Variants in SRL observed in about 807,000 individuals in gnomAD.
SRL encodes the protein sarcalumenin.
Under a neutral mutation model 39.5 loss-of-function variants are expected in SRL, and 23 were observed. The ratio of observed to expected loss-of-function variants is 0.58; its 90% CI spans 0.42 to 0.82. SRL has a LOEUF of 0.82. Among genes scored for constraint, SRL ranks in the 40% least tolerant of loss-of-function variants. The pLI is 0.00. For missense variants in SRL, 592 were observed against 607.8 expected, an observed-to-expected ratio of 0.97 and a Z score of 0.27; for synonymous variants, 272 against 237.4, an observed-to-expected ratio of 1.15 and a Z score of -1.34.
chr16:4,207,429 G>A (rs760835257), intron 1 of SRL: 14 of 456,708 alleles, frequency 3.1e-5, no homozygotes, highest in South Asian at 9.3e-5. Flanking sequence ...CCCAACAGCC[G>A]CGACGTCAGG....
chr16:4,239,196 A>G (rs1438206185), intron 1 of SRL, among the ~76,000 whole-genome samples: 1 of 152,068 alleles, frequency 6.6e-6, no homozygotes, highest in Admixed American at 6.6e-5. Context: ...CAGGGGTGGG[A>G]GAGAAAGGGG....
At chr16:4,220,278 A>AACACACACACACACAC (rs71394664) in intron 1 of SRL, among the ~76,000 whole-genome samples, 25,288 of 140,298 alleles carry the variant, frequency 0.18, 2,573 homozygotes, top group Admixed American at 0.24. Flanking sequence ...TCTCTACTAA[A>AACACACACACACACAC]ACACACACAC....
chr16:4,213,398 CTTTTTCTTTTT>C (rs2052416802), intron 1 of SRL, among the ~76,000 whole-genome samples: 3 of 96,282 alleles, frequency 3.1e-5, no homozygotes, highest in Non-Finnish European at 6.2e-5. Context: ...TTTTCTTTTT[CTTTTTCTTTTT>C]TTTTTTTTTT....
rs766920871 is a variant in SRL at position 4,209,786 on chromosome 16, C to T, written c.62-5152G>A. On this transcript the variant is annotated intron_variant, in intron 1 of 5. Transcript: ENST00000399609. ...ATGCATGGCCATTTAACCTTCTTTACGACTGTCAGAGAGATTTCAGAGCTG... is the reference window on the plus strand; with the variant it reads ...ATGCATGGCCATTTAACCTTCTTTATGACTGTCAGAGAGATTTCAGAGCTG... Among the ~76,000 whole-genome samples the T allele has an allele frequency of 3.3e-5, 5 of 152,174 alleles. No individual in the cohort carries two copies. In the South Asian group the frequency reaches 8.3e-4, roughly 25 times the overall value.
intron 1 of SRL, among the ~76,000 whole-genome samples, chr16:4,220,978 C>T (rs1046068568): frequency 1.1e-4 from 17 of 151,574 alleles, no homozygotes; most frequent in Non-Finnish European, 2.4e-4. Flanking sequence ...GAGCGAGATC[C>T]TGTCTCAAAA....
chr16:4,236,610 G>GC (rs1397651188), intron 1 of SRL, among the ~76,000 whole-genome samples: 3 of 151,452 alleles, frequency 2.0e-5, no homozygotes, highest in African/African-American at 7.3e-5. Flanking sequence ...CCTTCCAGAT[G>GC]CCCCACGAGT....
At chr16:4,194,063 C>T (rs1302930180) in intron 5 of SRL, among the ~76,000 whole-genome samples, 1 of 152,052 alleles carries the variant, frequency 6.6e-6, no homozygotes, top group Non-Finnish European at 1.5e-5. Flanking sequence ...AACTGAGATC[C>T]ACCGTCTGCT....
intron 1 of SRL, among the ~76,000 whole-genome samples, chr16:4,223,495 A>T (rs537968548): frequency 4.0e-5 from 6 of 151,456 alleles, no homozygotes; most frequent in African/African-American, 1.5e-4. Context: ...CTCCCACCTC[A>T]GCCTCCCGAG....
chr16:4,192,476 C>G lies in SRL; in HGVS notation c.1099G>C (p.Val367Leu). 2 of 1,614,166 alleles carry G rather than the reference C, an allele frequency of 1.2e-6. No homozygotes were observed. The highest frequency in any genetic ancestry group is 1.7e-6 in the Non-Finnish European group (2 of 1,180,042). The change falls in exon 6 of 6, where the codon GTC (valine) becomes CTC (leucine). Residue 367 changes from valine to leucine, a missense_variant. By Grantham distance (32) the Val-to-Leu change is conservative. Coordinates refer to ENST00000399609, the MANE Select transcript of SRL (RefSeq NM_001098814.2). This position sits in a 1 kb window ranked among gnomAD's most constrained non-coding sequence, Gnocchi z 4.0. ...KMTFFSDGEL[V>L]FKDIVEDPDK... ...GGATCTTCCACAATGTCCTTAAAGA[C>G]CAGTTCTCCATCACTGAAGAAGGTC...
At chr16:4,229,126 A>C (rs936470628) in intron 1 of SRL, among the ~76,000 whole-genome samples, 31 of 152,166 alleles carry the variant, frequency 2.0e-4, no homozygotes, top group Admixed American at 9.8e-4. Flanking sequence ...GTACATCTAC[A>C]CCATGGAATA....
intron 1 of SRL, among the ~76,000 whole-genome samples, chr16:4,216,116 T>A: frequency 6.6e-6 from 1 of 152,000 alleles, no homozygotes; most frequent in East Asian, 1.9e-4. Flanking sequence ...ACTTCACTCC[T>A]CACCCCACCT....
intron 1 of SRL, chr16:4,207,374 G>A (rs925859086): frequency 4.8e-5 from 22 of 456,596 alleles, no homozygotes; most frequent in Middle Eastern, 3.2e-4. Context: ...CCTGGTCCTC[G>A]GTGCCCTCAC....
chr16:4,213,774 G>C (rs991458440), intron 1 of SRL, among the ~76,000 whole-genome samples: 1 of 152,154 alleles, frequency 6.6e-6, no homozygotes, highest in Admixed American at 6.5e-5. Context: ...CCCTCACGTA[G>C]GACTCCATCT....
intron 4 of SRL, 134 bp from the exon 5 acceptor site, chr16:4,195,920 G>A (rs2052134524): frequency 2.8e-6 from 2 of 707,996 alleles, no homozygotes; most frequent in Non-Finnish European, 2.3e-6. Flanking sequence ...AGCTATTGGG[G>A]CTTTCTTTTA....
At chr16:4,233,003 C>G (rs2052675829) in intron 1 of SRL, among the ~76,000 whole-genome samples, 1 of 152,250 alleles carries the variant, frequency 6.6e-6, no homozygotes, top group Non-Finnish European at 1.5e-5. Flanking sequence ...CCAGGCCAGA[C>G]TTTGTCTGCA....
chr16:4,232,158 G>A (rs1485621403), intron 1 of SRL, among the ~76,000 whole-genome samples: 3 of 152,040 alleles, frequency 2.0e-5, no homozygotes, highest in Non-Finnish European at 4.4e-5. Flanking sequence ...CTACCAATTC[G>A]GAAAGGAAAC....
chr16:4,204,376 C>A (rs1411247048), intron 2 of SRL, among the ~76,000 whole-genome samples, 157 bp downstream of exon 2: 2 of 143,776 alleles, frequency 1.4e-5, no homozygotes, highest in African/African-American at 5.3e-5. Context: ...GGGCTCTCCT[C>A]TTCCCCAACG....
intron 1 of SRL, among the ~76,000 whole-genome samples, chr16:4,234,761 C>T (rs959519150): frequency 2.0e-5 from 3 of 152,216 alleles, no homozygotes; most frequent in Admixed American, 2.0e-4. Flanking sequence ...CGCCATGGCT[C>T]CAATTCATTC....
rs377074367 is a variant in SRL at position 4,195,569 on chromosome 16, G to A, written c.594C>T (p.Arg198=). 2.5e-6 allele frequency: 4 copies of A among 1,614,156 alleles called. No homozygotes were observed. The highest frequency in any genetic ancestry group is 1.3e-5 in the African/African-American group (1 of 75,030). ...FVDTPGIIEN[R]KQQERGYPFN... is the part of the protein sequence containing the mutation. The stretch of plus-strand genomic sequence containing the variant: ...CTAAATTACCTCTTTCTTGCTGCTT[G>A]CGGTTCTCGATGATGCCTGGTGTAT... The change falls in exon 5 of 6, where the codon CGC becomes CGT. Residue 198 remains arginine (R), a synonymous_variant. Transcript: ENST00000399609.
Sources: gnomAD v4.1 joint callset for allele counts (sites outside exome capture counted in the v4.1 genomes callset) on GRCh38, gnomAD v4.1.1 for gene constraint, Gnocchi (gnomAD v3.1) non-coding constraint, MANE v1.5 for transcripts, NCBI Gene and HGNC (gene_info 2026-07-23, HGNC 2026-07-21) for gene names.